Variants in ZNF177 observed in about 807,000 individuals in gnomAD.
ZNF177 encodes zinc finger protein 177.
Under a neutral mutation model 19.4 loss-of-function variants are expected in ZNF177, and 17 were observed. The observed-to-expected ratio is 0.87, with a 90% CI of 0.60 to 1.31. The LOEUF (loss-of-function observed/expected upper bound fraction) is 1.31, where lower values mean the gene tolerates loss of function less well. Among genes scored for constraint, ZNF177 ranks in the 40% most tolerant of loss-of-function variants. The probability of loss-of-function intolerance (pLI) is 0.00; values close to 1 mark genes in which losing one functional copy is unlikely to be tolerated. For synonymous variants in ZNF177, 220 were observed against 188.7 expected (o/e 1.17, Z -1.36); for missense variants, 633 against 561.8 (o/e 1.13, Z -1.28).
intron 2 of ZNF177, chr19:9,378,690 C>G: frequency 1.8e-6 from 1 of 546,160 alleles, no homozygotes; most frequent in Non-Finnish European, 3.1e-6. Context: ...CGAAAAGAGT[C>G]CTCACAACCT....
chr19:9,379,715 A>T, intron 4 of ZNF177, 96 bp downstream of exon 6: 1 of 1,386,798 alleles, frequency 7.2e-7, no homozygotes, highest in Non-Finnish European at 9.8e-7. Context: ...TGAGGCCATG[A>T]CATGAGCTTC....
At chr19:9,365,182 T>G (rs2067960305) in intron 2 of ZNF177, among the ~76,000 whole-genome samples, 1 of 152,082 alleles carries the variant, frequency 6.6e-6, no homozygotes, top group African/African-American at 2.4e-5. Flanking sequence ...AATAGTAGTT[T>G]GTGTTGTGAG....
chr19:9,363,161 G>A (rs534818757), intron 1 of ZNF177, 77 bp downstream of exon 1: 1 of 152,496 alleles, frequency 6.6e-6, no homozygotes, highest in South Asian at 2.1e-4. Flanking sequence ...GGCTGCTCCA[G>A]ACCTTGCCTG....
chr19:9,371,982 T>G (rs544773895), upstream of ZNF177, among the ~76,000 whole-genome samples: 1 of 152,340 alleles, frequency 6.6e-6, no homozygotes, highest in Non-Finnish European at 1.5e-5. Flanking sequence ...AAGGGTAATA[T>G]CCAAAGTGTT....
At position 9,378,987 on chromosome 19, in the gene ZNF177, C is replaced by T. The variant is rs1398879650; in HGVS notation, c.59C>T (p.Ala20Val). 3.1e-6 allele frequency: 5 copies of T among 1,608,332 alleles called. No individual in the cohort carries two copies. In the South Asian group the frequency reaches 3.3e-5, roughly 11 times the overall value. Residue 20 changes from alanine to valine, a missense_variant, in exon 3 of 6, where the codon GCA (alanine) becomes GTA (valine). Ala to Val is a moderately conservative substitution (Grantham distance 64). Transcript: ENST00000589262. ...AACTCAGTAACCTTCCAGGAAGTGG[C>T]AGTGGACTTTTCCCAGGAGGAGTGG...
At chr19:9,367,385 A>C (rs1838568212) in intron 2 of ZNF177, among the ~76,000 whole-genome samples, 1 of 152,098 alleles carries the variant, frequency 6.6e-6, no homozygotes, top group African/African-American at 2.4e-5. Flanking sequence ...AGGTTGAAAA[A>C]ATTTATTTTT....
chr19:9,381,519 T>C (rs2068201678), exon 6 of ZNF177: 1 of 1,614,216 alleles, frequency 6.2e-7, no homozygotes, highest in East Asian at 2.2e-5. Context: ...AGAAGCCTTA[T>C]GAGTGTAACC....
At chr19:9,368,345 A>ACAGT (rs35876924) in intron 2 of ZNF177, among the ~76,000 whole-genome samples, 93,331 of 151,594 alleles carry the variant, frequency 0.62, 29,471 homozygotes, top group African/African-American at 0.75. Context: ...TAATTTCTAC[A>ACAGT]CAGTTTTGGT....
upstream of ZNF177, among the ~76,000 whole-genome samples, chr19:9,372,670 C>T (rs1034812955): frequency 1.1e-4 from 17 of 151,330 alleles, no homozygotes; most frequent in Admixed American, 7.9e-4. Flanking sequence ...CCTCCCCTCC[C>T]GAGTAGCTGG....
At chr19:9,373,605 G>A (rs2068074372), upstream of ZNF177, among the ~76,000 whole-genome samples, 2 of 152,046 alleles carry the variant, frequency 1.3e-5, no homozygotes, top group East Asian at 1.9e-4. Context: ...TCCAACACTT[G>A]TTATCCTTTG....
At chr19:9,380,585 GCA>G (rs2068181089) in intron 5 of ZNF177, 81 bp from the exon 8 acceptor site, 1 of 1,535,358 alleles carries the variant, frequency 6.5e-7, no homozygotes, top group African/African-American at 1.4e-5. Flanking sequence ...CCTATATATG[GCA>G]GAATCCTCAT....
chr19:9,373,473 A>T (rs945025212), upstream of ZNF177, among the ~76,000 whole-genome samples: 6 of 152,176 alleles, frequency 3.9e-5, no homozygotes, highest in Admixed American at 3.3e-4. Flanking sequence ...CAGTAGCAGG[A>T]TTGCTAGATC....
chr19:9,369,691 C>T (rs1199828230), intron 2 of ZNF177, among the ~76,000 whole-genome samples: 4 of 151,744 alleles, frequency 2.6e-5, no homozygotes, highest in Admixed American at 1.3e-4. Context: ...TTTTTCTTAC[C>T]TTTGGAATTG....
At chr19:9,372,444 G>A (rs1005060841), upstream of ZNF177, among the ~76,000 whole-genome samples, 1 of 150,264 alleles carries the variant, frequency 6.7e-6, no homozygotes, top group African/African-American at 2.5e-5. Context: ...AAGCCACTAT[G>A]TACCTACCAC....
chr19:9,381,218 A>G (rs2122566858), exon 6 of ZNF177: 1 of 1,614,164 alleles, frequency 6.2e-7, no homozygotes, highest in East Asian at 2.2e-5. Context: ...TTCATTTTTC[A>G]GTCTTCCCTT....
chr19:9,377,824 A>G (rs1204613391), intron 1 of ZNF177, among the ~76,000 whole-genome samples: 4 of 152,018 alleles, frequency 2.6e-5, no homozygotes, highest in African/African-American at 4.8e-5. Context: ...TCGGGATATT[A>G]ACTCAGCCCA....
chr19:9,382,069 CAT>C lies in ZNF177; in HGVS notation c.*294_*295del, dbSNP rs1368094388. On this transcript the variant is annotated 3_prime_UTR_variant, in exon 6 of 6. Coordinates refer to ENST00000589262, the Ensembl canonical transcript of ZNF177. The stretch of plus-strand genomic sequence containing the variant: ...TCTTCAATATGTAGATTCTGTGTGA[CAT>C]AGATTTGAACATAATTGCTGGACAC... 4 of 429,354 alleles carry C rather than the reference CAT, an allele frequency of 9.3e-6. No homozygotes were observed. In the Admixed American group the frequency reaches 1.2e-4, roughly 13 times the overall value. The allele number at this position is 429,354 out of a possible 1,614,324, so 26.6% of individuals were successfully genotyped here.
At chr19:9,366,038 A>C (rs1358915236) in intron 2 of ZNF177, among the ~76,000 whole-genome samples, 3 of 152,172 alleles carry the variant, frequency 2.0e-5, no homozygotes, top group Non-Finnish European at 4.4e-5. Context: ...GCTAGAGTGC[A>C]GTGGCGCAAT....
intron 2 of ZNF177, among the ~76,000 whole-genome samples, chr19:9,370,779 T>C (rs1264414540): frequency 1.3e-5 from 2 of 152,184 alleles, no homozygotes; most frequent in African/African-American, 4.8e-5. Flanking sequence ...GTCTACATGT[T>C]CAGTACAGAC....
Sources: gnomAD v4.1 joint callset for allele counts (sites outside exome capture counted in the v4.1 genomes callset) on GRCh38, gnomAD v4.1.1 for gene constraint, MANE v1.5 for transcripts, NCBI Gene and HGNC (gene_info 2026-07-23, HGNC 2026-07-21) for gene names.